CNST: variants seen among roughly 807,000 people sequenced by gnomAD.
The protein encoded by CNST is consortin, connexin sorting protein, also known as consortin.
CNST carries 39 observed loss-of-function variants against 72.4 expected under a neutral mutation model. The ratio of observed to expected loss-of-function variants is 0.54; its 90% CI spans 0.42 to 0.70. CNST has a LOEUF of 0.70. Ranked by LOEUF, CNST falls within the 30% of genes least tolerant of loss-of-function variation. The pLI is 0.00. For missense variants in CNST, 871 were observed against 868.5 expected (o/e 1.00, Z -0.04); for synonymous variants, 332 against 320.1 (o/e 1.04, Z -0.40).
At chr1:246,608,449 CT>C (rs1197630231) in intron 2 of CNST, among the ~76,000 whole-genome samples, 2 of 152,184 alleles carry the variant, frequency 1.3e-5, no homozygotes, top group African/African-American at 4.8e-5. Flanking sequence ...TGTAAAATGT[CT>C]AATCAAACTT....
intron 9 of CNST, among the ~76,000 whole-genome samples, chr1:246,656,874 G>A (rs984342595): frequency 3.3e-5 from 5 of 151,970 alleles, no homozygotes; most frequent in South Asian, 4.2e-4. Context: ...AGGCTGCAGC[G>A]AGCTGTCAGC....
Position 246,647,277 on chromosome 1 carries a change from ACATGGAGGAGCTGCTCTG to A in CNST, c.1079_1096del (p.Met360_Cys365del). On this transcript the variant is annotated inframe_deletion, in exon 9 of 11. Coordinates refer to ENST00000366513, the MANE Select transcript of CNST (RefSeq NM_152609.3). The stretch of plus-strand genomic sequence containing the variant: ...CTTTCGGTAACTGCAGGAAAGGACC[ACATGGAGGAGCTGCTCTG>A]CAGCGCTGAAGCCACGTTAGCGCTC... 1 of 1,614,178 alleles carries A rather than the reference ACATGGAGGAGCTGCTCTG, an allele frequency of 6.2e-7. No individual in the cohort carries two copies. The highest frequency in any genetic ancestry group is 2.2e-5 in the East Asian group (1 of 44,882).
intron 6 of CNST, among the ~76,000 whole-genome samples, chr1:246,635,036 A>C (rs1249099505): frequency 6.6e-6 from 1 of 151,846 alleles, no homozygotes; most frequent in Non-Finnish European, 1.5e-5. Flanking sequence ...CTGCTGGTGC[A>C]AGTGGCCTCG....
chr1:246,667,310 G>T lies in CNST; in HGVS notation c.*1405G>T, dbSNP rs901723882. The T allele has an allele frequency of 6.6e-6, 1 of 152,046 alleles. No homozygotes were observed. Among genetic ancestry groups the T allele is most frequent in the Non-Finnish European group, 1.5e-5 (1 of 68,018 alleles). 9.4% of individuals were successfully genotyped at this position (152,046 alleles called of 1,614,324 possible). ...TATTTAGATTATGTGAATCTTAAAG[G>T]GCTTTTTATATCAGTTGAAAGTGTG... On this transcript the variant is annotated 3_prime_UTR_variant, in exon 11 of 11. Coordinates refer to ENST00000366513, the MANE Select transcript of CNST (RefSeq NM_152609.3).
At chr1:246,649,809 G>A (rs1014910387) in intron 9 of CNST, among the ~76,000 whole-genome samples, 6 of 149,966 alleles carry the variant, frequency 4.0e-5, no homozygotes, top group African/African-American at 1.5e-4. Flanking sequence ...AAAGCTGTTC[G>A]GCTGGATAAA....
chr1:246,625,524 C>T (rs1202767375), intron 3 of CNST, among the ~76,000 whole-genome samples: 1 of 141,832 alleles, frequency 7.1e-6, no homozygotes, highest in Admixed American at 7.7e-5. Context: ...CGGGTTCAAG[C>T]AATTCTCCTG....
chr1:246,633,681 T>C (rs1375299435), intron 4 of CNST, among the ~76,000 whole-genome samples: 1 of 151,288 alleles, frequency 6.6e-6, no homozygotes, highest in Non-Finnish European at 1.5e-5. Context: ...AGGTGGAGGT[T>C]GTAGTGAGCT....
chr1:246,618,581 G>A (rs938421278), intron 2 of CNST, among the ~76,000 whole-genome samples: 9 of 152,084 alleles, frequency 5.9e-5, no homozygotes, highest in African/African-American at 1.9e-4. Context: ...ATTAAAGTAC[G>A]ATATTCTTTC....
At chr1:246,611,171 C>T (rs1026244448) in intron 2 of CNST, among the ~76,000 whole-genome samples, 7 of 152,156 alleles carry the variant, frequency 4.6e-5, no homozygotes, top group South Asian at 2.1e-4. Flanking sequence ...GGAATGAGGG[C>T]TGCTGTTGAG....
At chr1:246,606,828 T>C (rs1662874013) in intron 2 of CNST, 1 of 152,152 alleles carries the variant, frequency 6.6e-6, no homozygotes, top group African/African-American at 2.4e-5. Flanking sequence ...CCAGGTTGAA[T>C]TGTGCGTAGG....
intron 2 of CNST, among the ~76,000 whole-genome samples, chr1:246,602,044 G>C (rs1055216466): frequency 3.9e-5 from 6 of 152,144 alleles, no homozygotes; most frequent in Non-Finnish European, 8.8e-5. Context: ...CTTATAAGAG[G>C]ACCCTAAACT....
intron 3 of CNST, among the ~76,000 whole-genome samples, chr1:246,628,435 A>G (rs1664582254): frequency 1.3e-5 from 2 of 152,238 alleles, no homozygotes; most frequent in African/African-American, 4.8e-5. Context: ...TATATAATAT[A>G]TAGAATAATA....
chr1:246,611,896 TA>T (rs1190564834), intron 2 of CNST, among the ~76,000 whole-genome samples: 1 of 152,180 alleles, frequency 6.6e-6, no homozygotes, highest in African/African-American at 2.4e-5. Context: ...TGTTCAGATT[TA>T]AAAAGGAATG....
rs539037762 is a variant in CNST at position 246,657,828 on chromosome 1, A to G, written c.1837-2371A>G. ...CAGGAGCTTCTCTTCCTCTGTCAAC[A>G]TGTTTGTTCCTATTTGCATTGTCTT... is the stretch of plus-strand genomic sequence containing the variant. On this transcript the variant is annotated intron_variant, in intron 9 of 10. Coordinates refer to ENST00000366513, the MANE Select transcript of CNST (RefSeq NM_152609.3). Among the ~76,000 whole-genome samples, 5 of 152,312 alleles carry G rather than the reference A, an allele frequency of 3.3e-5. No individual in the cohort carries two copies. The South Asian group carries it at 8.3e-4, about 25-fold the overall frequency.
rs773785830 is a variant in CNST, at chr1:246,591,680, G to C, written c.118G>C (p.Glu40Gln). Reference sequence around the variant, plus strand: ...TCTGCCTTCTGCATCAGATGAAAATGAAAATCAGCTTGACGGGGACGGGCA... The same window carrying C: ...TCTGCCTTCTGCATCAGATGAAAATCAAAATCAGCTTGACGGGGACGGGCA... Reference protein sequence around the residue: ...TCLPSASDENENQLDGDGHEH... With the variant: ...TCLPSASDENQNQLDGDGHEH... The change falls in exon 2 of 11, where the codon GAA becomes CAA. Residue 40 changes from glutamate (E) to glutamine (Q), a missense_variant. Coordinates refer to ENST00000366513, the MANE Select transcript of CNST (RefSeq NM_152609.3). 22 of 1,614,216 alleles carry C rather than the reference G, an allele frequency of 1.4e-5. No individual in the cohort carries two copies. Among genetic ancestry groups the C allele is most frequent in the Non-Finnish European group, 1.8e-5 (21 of 1,180,046 alleles).
intron 2 of CNST, among the ~76,000 whole-genome samples, chr1:246,597,127 A>G (rs187709470): frequency 1.1e-4 from 16 of 152,288 alleles, no homozygotes; most frequent in Non-Finnish European, 2.2e-4. Context: ...TTCCAAAGCA[A>G]CTGCACCATT....
intron 8 of CNST, among the ~76,000 whole-genome samples, chr1:246,643,635 A>G (rs1665861244): frequency 6.6e-6 from 1 of 152,190 alleles, no homozygotes; most frequent in African/African-American, 2.4e-5. Flanking sequence ...AATTGAACGC[A>G]GCCTGCTTCT....
At chr1:246,654,018 A>T (rs546653785) in intron 9 of CNST, among the ~76,000 whole-genome samples, 1 of 152,180 alleles carries the variant, frequency 6.6e-6, no homozygotes, top group South Asian at 2.1e-4. Flanking sequence ...AGGGTTCTTG[A>T]TCGAACACAC....
intron 2 of CNST, among the ~76,000 whole-genome samples, chr1:246,613,344 T>A (rs2103063852): frequency 6.6e-6 from 1 of 152,284 alleles, no homozygotes; most frequent in Non-Finnish European, 1.5e-5. Context: ...TTGGTGGCTA[T>A]GATTCCTGCC....
Sources: gnomAD v4.1 joint callset for allele counts (sites outside exome capture counted in the v4.1 genomes callset) on GRCh38, gnomAD v4.1.1 for gene constraint, MANE v1.5 for transcripts, NCBI Gene and HGNC (gene_info 2026-07-23, HGNC 2026-07-21) for gene names.